Variants in NEK10 observed in about 807,000 individuals in gnomAD.
The protein encoded by NEK10 is NIMA related kinase 10, also known as serine/threonine-protein kinase Nek10.
A neutral mutation model predicts 159.8 loss-of-function variants in NEK10; 122 were observed. The observed-to-expected ratio is 0.76, with a 90% CI of 0.66 to 0.89. The LOEUF is 0.89. NEK10 is among the 40% of genes least tolerant of loss of function. The pLI, the probability that NEK10 is intolerant of heterozygous loss-of-function variation, is 0.00. For synonymous variants in NEK10, 466 were observed against 457.1 expected, an observed-to-expected ratio of 1.02 and a Z score of -0.25; for missense variants, 1,342 against 1,323.1, an observed-to-expected ratio of 1.01 and a Z score of -0.22.
chr3:27,273,135 G>A (rs1322709934), intron 22 of NEK10, among the ~76,000 whole-genome samples: 4 of 152,136 alleles, frequency 2.6e-5, no homozygotes, highest in Non-Finnish European at 5.9e-5. Flanking sequence ...ATGGTCAAGG[G>A]AAAATGGTCT....
At chr3:27,345,218 G>C (rs903264466) in intron 4 of NEK10, among the ~76,000 whole-genome samples, 1 of 152,160 alleles carries the variant, frequency 6.6e-6, no homozygotes, top group Non-Finnish European at 1.5e-5. Flanking sequence ...TGCCTTCTCA[G>C]TCTTTCAGAT....
intron 26 of NEK10, among the ~76,000 whole-genome samples, chr3:27,191,245 C>G (rs772601056): frequency 6.6e-6 from 1 of 151,836 alleles, no homozygotes; most frequent in South Asian, 2.1e-4. Context: ...TGACCAGGTA[C>G]CCTAAGAAAG....
intron 5 of NEK10, among the ~76,000 whole-genome samples, chr3:27,323,550 T>G (rs538875978): frequency 1.3e-5 from 2 of 152,134 alleles, no homozygotes; most frequent in South Asian, 4.2e-4. Flanking sequence ...ACTGGAGAAG[T>G]CATATTATGA....
At chr3:27,208,632 T>C (rs1950737356) in intron 23 of NEK10, among the ~76,000 whole-genome samples, 1 of 152,156 alleles carries the variant, frequency 6.6e-6, no homozygotes, top group Non-Finnish European at 1.5e-5. Context: ...CCTCCTTCTC[T>C]AGGATCCCAA....
intron 23 of NEK10, chr3:27,206,589 T>A (rs148803104): frequency 1.0e-6 from 1 of 985,000 alleles, no homozygotes; most frequent in African/African-American, 1.7e-5. Context: ...CTTGGATAAT[T>A]TCATTCACAT....
At chr3:27,177,215 A>T (rs1947590489) in intron 26 of NEK10, among the ~76,000 whole-genome samples, 2 of 152,270 alleles carry the variant, frequency 1.3e-5, no homozygotes, top group South Asian at 4.1e-4. Flanking sequence ...ATGCATAAAA[A>T]TATGATAATA....
chr3:27,300,801 C>T (rs1250731569), intron 13 of NEK10, among the ~76,000 whole-genome samples: 1 of 152,210 alleles, frequency 6.6e-6, no homozygotes, highest in Admixed American at 6.5e-5. Context: ...AAACCCCCAG[C>T]ACAAGACCTT....
At chr3:27,248,334 T>C (rs1955303622) in intron 23 of NEK10, among the ~76,000 whole-genome samples, 1 of 152,138 alleles carries the variant, frequency 6.6e-6, no homozygotes, top group African/African-American at 2.4e-5. Context: ...GTTGATCTTT[T>C]GTATTGTTTT....
intron 19 of NEK10, among the ~76,000 whole-genome samples, chr3:27,290,217 T>C (rs2149486331): frequency 6.6e-6 from 1 of 152,356 alleles, no homozygotes; most frequent in Non-Finnish European, 1.5e-5. Context: ...AATAAAGTCA[T>C]ATTTGAGGAA....
chr3:27,356,078 C>T (rs2048307579), intron 1 of NEK10, among the ~76,000 whole-genome samples: 1 of 152,106 alleles, frequency 6.6e-6, no homozygotes, highest in Non-Finnish European at 1.5e-5. Flanking sequence ...GCTCTTCTGC[C>T]ATGTAAGAAA....
chr3:27,245,172 G>A (rs550288628), intron 23 of NEK10, among the ~76,000 whole-genome samples: 1 of 152,128 alleles, frequency 6.6e-6, no homozygotes, highest in Non-Finnish European at 1.5e-5. Context: ...TGGGGCTAAC[G>A]TGCCAACCGT....
chr3:27,278,904 C>T, intron 22 of NEK10: 1 of 985,062 alleles, frequency 1.0e-6, no homozygotes, highest in Non-Finnish European at 1.2e-6. Flanking sequence ...TGTCTCACCC[C>T]ATGTACCACT....
chr3:27,259,113 T>C (rs2040165277), intron 22 of NEK10, among the ~76,000 whole-genome samples: 1 of 152,146 alleles, frequency 6.6e-6, no homozygotes, highest in South Asian at 2.1e-4. Flanking sequence ...AGATTCTGGA[T>C]ATTAGCCCTT....
chr3:27,308,207 T>G (rs1232734211), intron 10 of NEK10, among the ~76,000 whole-genome samples: 2 of 152,062 alleles, frequency 1.3e-5, no homozygotes, highest in South Asian at 4.2e-4. Flanking sequence ...GAGCCCCTTA[T>G]AAAACCATCA....
intron 5 of NEK10, among the ~76,000 whole-genome samples, chr3:27,331,444 C>G (rs1360746696): frequency 6.6e-6 from 1 of 152,068 alleles, no homozygotes; most frequent in Non-Finnish European, 1.5e-5. Flanking sequence ...GGCCTCTGTA[C>G]TGGCTGAAGA....
At chr3:27,301,911 G>A in intron 12 of NEK10, 76 bp from the exon 13 acceptor site, 1 of 1,190,062 alleles carries the variant, frequency 8.4e-7, no homozygotes, top group South Asian at 1.3e-5. Context: ...TCACATTTAA[G>A]AAATCTTTGC....
chr3:27,137,354 T>G (rs1478783660), intron 31 of NEK10, among the ~76,000 whole-genome samples: 1 of 152,218 alleles, frequency 6.6e-6, no homozygotes, highest in Non-Finnish European at 1.5e-5. Flanking sequence ...GAAAATGGTA[T>G]ACATTATAAA....
At chr3:27,179,439 C>T (rs1376588840) in intron 26 of NEK10, among the ~76,000 whole-genome samples, 4 of 152,090 alleles carry the variant, frequency 2.6e-5, no homozygotes, top group Non-Finnish European at 4.4e-5. Flanking sequence ...CATTACAATT[C>T]AATCTAAAAC....
At chr3:27,236,042 T>A (rs560512779) in intron 23 of NEK10, among the ~76,000 whole-genome samples, 1 of 151,558 alleles carries the variant, frequency 6.6e-6, no homozygotes, top group African/African-American at 2.4e-5. Context: ...AGCAAACTAA[T>A]GCAGAAACAG....
Sources: gnomAD v4.1 joint callset for allele counts (sites outside exome capture counted in the v4.1 genomes callset) on GRCh38, gnomAD v4.1.1 for gene constraint, MANE v1.5 for transcripts, NCBI Gene and HGNC (gene_info 2026-07-23, HGNC 2026-07-21) for gene names.